Variants in ZHX1 observed in about 807,000 individuals in gnomAD.
ZHX1 encodes zinc fingers and homeoboxes protein 1.
ZHX1 carries 20 observed loss-of-function variants against 61.8 expected under a neutral mutation model. That is an observed-to-expected ratio of 0.32 (90% CI 0.23 to 0.47). The LOEUF is 0.47. Ranked by LOEUF, ZHX1 falls within the 20% of genes least tolerant of loss-of-function variation. ZHX1 has a pLI of 1.00. For synonymous variants in ZHX1, 318 were observed against 352.6 expected (o/e 0.90, Z 1.10); for missense variants, 800 against 1,034.8 (o/e 0.77, Z 3.11).
Position 123,254,659 on chromosome 8 carries a change from G to T in ZHX1, c.1288C>A (p.Gln430Lys), listed in dbSNP as rs758241093. The T allele has an allele frequency of 6.2e-7, 1 of 1,614,126 alleles. No homozygotes were observed. Among genetic ancestry groups the T allele is most frequent in the East Asian group, 2.2e-5 (1 of 44,884 alleles). The change falls in exon 3 of 4, where the codon CAG becomes AAG. Residue 430 changes from glutamine (Q) to lysine (K), a missense_variant. By Grantham distance (53) the Gln-to-Lys change is moderately conservative. Coordinates refer to ENST00000395571, the MANE Select transcript of ZHX1 (RefSeq NM_007222.5). This position sits in a 1 kb window ranked among gnomAD's most constrained non-coding sequence, Gnocchi z 4.1. ...GCAGTAGGCTGAGCAGCAGGTACCT[G>T]ACTTTTCTGTATATTATTTTGACTT... ...VPSQNNIQKS[Q>K]VPAAQPTAET...
At chr8:123,259,815 C>T (rs1435018641) in intron 2 of ZHX1, among the ~76,000 whole-genome samples, 1 of 152,148 alleles carries the variant, frequency 6.6e-6, no homozygotes, top group Non-Finnish European at 1.5e-5. Flanking sequence ...AGCAGGGGAG[C>T]CCTTTCATCA....
At chr8:123,272,377 G>A (rs1210124822) in intron 1 of ZHX1, among the ~76,000 whole-genome samples, 1 of 152,156 alleles carries the variant, frequency 6.6e-6, no homozygotes, top group African/African-American at 2.4e-5. Context: ...GCCTTAACAT[G>A]CTTTGGGAAA....
At position 123,254,214 on chromosome 8, in the gene ZHX1, T is replaced by C; in HGVS notation, c.1733A>G (p.Glu578Gly). 6.2e-7 allele frequency: 1 copy of C among 1,614,194 alleles called. No homozygotes were observed. Among genetic ancestry groups the C allele is most frequent in the Non-Finnish European group, 8.5e-7 (1 of 1,180,028 alleles). The change falls in exon 3 of 4, where the codon GAG (glutamate) becomes GGG (glycine). Residue 578 changes from glutamate to glycine, a missense_variant. Transcript: ENST00000395571. The surrounding 1 kb of genome is among the most constrained non-coding windows in gnomAD (Gnocchi z 4.1). ...TPQKFKEKTA[E>G]QLRVLQASFL... ...ACTTGCCTGAAGGACACGAAGCTGC[T>C]CTGCAGTTTTCTCTTTAAACTTTTG...
At chr8:123,270,120 A>G (rs1337360419) in intron 1 of ZHX1, among the ~76,000 whole-genome samples, 2 of 152,160 alleles carry the variant, frequency 1.3e-5, no homozygotes, top group Admixed American at 1.3e-4. Context: ...GATCTTCCCC[A>G]CTCCCAAGTA....
At chr8:123,269,182 A>C (rs748506961) in intron 1 of ZHX1, among the ~76,000 whole-genome samples, 2 of 152,204 alleles carry the variant, frequency 1.3e-5, no homozygotes, top group Non-Finnish European at 2.9e-5. Context: ...CAAAGAGGGA[A>C]GGTTATTTTC....
rs1826476330 is a variant in ZHX1, at chr8:123,266,857, T to TTTCAGAATTTG, written c.-226+405_-226+415dup. ...AGTAGCCTACGTTTTGAAAATACAG[T>TTTCAGAATTTG]TTCAGAATTTGTTCTTGTACATCCT... On this transcript the variant is annotated intron_variant, in intron 2 of 3. Coordinates refer to ENST00000395571, the MANE Select transcript of ZHX1 (RefSeq NM_007222.5). Among the ~76,000 whole-genome samples the TTTCAGAATTTG allele has an allele frequency of 1.3e-5, 2 of 152,282 alleles. 1 individual carries two copies. The highest frequency in any genetic ancestry group is 4.8e-5 in the African/African-American group (2 of 41,574).
Position 123,255,522 on chromosome 8 carries a change from G to A in ZHX1, c.425C>T (p.Thr142Ile), listed in dbSNP as rs1429928152. 6.2e-7 allele frequency: 1 copy of A among 1,613,390 alleles called. No individual in the cohort carries two copies. Among genetic ancestry groups the A allele is most frequent in the Non-Finnish European group, 8.5e-7 (1 of 1,179,978 alleles). ...KLTMVKRNNQTIFEQTINDLT... is the reference protein window; with the variant it reads ...KLTMVKRNNQIIFEQTINDLT... ...ATCATTTATTGTTTGTTCAAAGATT[G>A]TCTGGTTATTACGTTTCACCATAGT... The change falls in exon 3 of 4, where the codon ACA (threonine) becomes ATA (isoleucine). Residue 142 changes from threonine (T) to isoleucine (I), a missense_variant. Thr to Ile is a moderately conservative substitution (Grantham distance 89). Coordinates refer to ENST00000395571, the MANE Select transcript of ZHX1 (RefSeq NM_007222.5).
At chr8:123,261,816 C>CT (rs892135946) in intron 2 of ZHX1, among the ~76,000 whole-genome samples, 1 of 151,860 alleles carries the variant, frequency 6.6e-6, no homozygotes, top group African/African-American at 2.4e-5. Context: ...AATTCTCTCA[C>CT]TTTTTTTTAG....
chr8:123,262,660 A>G (rs1017903029), intron 2 of ZHX1, among the ~76,000 whole-genome samples: 1 of 152,156 alleles, frequency 6.6e-6, no homozygotes, highest in Non-Finnish European at 1.5e-5. Context: ...ATTTTCTTTA[A>G]TATTGTTATC....
At chr8:123,259,289 T>TAAGATATTATAA (rs1395949026) in intron 2 of ZHX1, among the ~76,000 whole-genome samples, 1 of 152,236 alleles carries the variant, frequency 6.6e-6, no homozygotes, top group Non-Finnish European at 1.5e-5. Flanking sequence ...TCTTGATTTC[T>TAAGATATTATAA]AAGATATTAT....
Position 123,249,103 on chromosome 8 carries a change from A to G in ZHX1, c.*1221T>C, listed in dbSNP as rs1459794088. ...TAAATTAGAGAAAATAAACTGGCTA[A>G]GCCTACATCTGGTCATTCAGAAAAA... On this transcript the variant is annotated 3_prime_UTR_variant, in exon 4 of 4. Coordinates refer to ENST00000395571, the MANE Select transcript of ZHX1 (RefSeq NM_007222.5). 4 of 152,648 alleles carry G rather than the reference A, an allele frequency of 2.6e-5. No individual in the cohort carries two copies. The highest frequency in any genetic ancestry group is 5.9e-5 in the Non-Finnish European group (4 of 68,016). 9.5% of individuals were successfully genotyped at this position (152,648 alleles called of 1,614,324 possible).
intron 2 of ZHX1, among the ~76,000 whole-genome samples, chr8:123,259,535 C>T (rs1826182124): frequency 6.6e-6 from 1 of 151,996 alleles, no homozygotes; most frequent in Non-Finnish European, 1.5e-5. Context: ...GGAAGATTCC[C>T]TGAGTCTACG....
rs953336719 is a variant in ZHX1, at chr8:123,266,184, C to T, written c.-226+1089G>A. ...CTTGTGAAGAGTTTGTGAATGTGAT[C>T]GAAAAGTCATTTTCTACTGAAAACA... On this transcript the variant is annotated intron_variant, in intron 2 of 3. Coordinates refer to ENST00000395571, the MANE Select transcript of ZHX1 (RefSeq NM_007222.5). Among the ~76,000 whole-genome samples, 14 of 152,108 alleles carry T rather than the reference C, an allele frequency of 9.2e-5. 1 individual carries two copies. The highest frequency in any genetic ancestry group is 2.9e-4 in the African/African-American group (12 of 41,410).
In ZHX1 at chr8:123,250,262, T is replaced by A. The variant is rs1825882777; in HGVS notation, c.*62A>T. ...CAATGTCATCAAAGATTGGGCAAAT[T>A]CACAGTAAATCAGACATCTTGAGTT... is the stretch of plus-strand genomic sequence containing the variant. On this transcript the variant is annotated 3_prime_UTR_variant, in exon 4 of 4. Coordinates refer to ENST00000395571, the MANE Select transcript of ZHX1 (RefSeq NM_007222.5). 2.2e-6 allele frequency: 1 copy of A among 451,450 alleles called. No individual in the cohort carries two copies. The highest frequency in any genetic ancestry group is 2.0e-5 in the African/African-American group (1 of 49,806). The allele number at this position is 451,450 out of a possible 1,614,324, so 28.0% of individuals were successfully genotyped here.
At position 123,254,911 on chromosome 8, in the gene ZHX1, C is replaced by T. The variant is rs761706584; in HGVS notation, c.1036G>A (p.Glu346Lys). 1.2e-6 allele frequency: 2 copies of T among 1,614,224 alleles called. No individual in the cohort carries two copies. The highest frequency in any genetic ancestry group is 2.2e-5 in the East Asian group (1 of 44,886). Residue 346 changes from glutamate (E) to lysine (K), a missense_variant, in exon 3 of 4, where the codon GAG becomes AAG. Transcript: ENST00000395571. This position sits in a 1 kb window ranked among gnomAD's most constrained non-coding sequence, Gnocchi z 4.1. ...TTCCTTCTTGCCTCCTCTACTTCCT[C>T]GGGAGTCCAACTAACACCATGTTTT... ...RLKHGVSWTP[E>K]EVEEARRKQF...
At chr8:123,250,539 T>C (rs1383113625) in intron 3 of ZHX1, among the ~76,000 whole-genome samples, 1 of 152,224 alleles carries the variant, frequency 6.6e-6, no homozygotes, top group Non-Finnish European at 1.5e-5. Flanking sequence ...CATCTTTATG[T>C]AATAATTTAT....
At chr8:123,266,274 C>T (rs1463388086) in intron 2 of ZHX1, among the ~76,000 whole-genome samples, 2 of 152,164 alleles carry the variant, frequency 1.3e-5, no homozygotes, top group South Asian at 2.1e-4. Context: ...CACAAGAATG[C>T]TATTCTCAGT....
chr8:123,257,759 G>A (rs1018044637), intron 2 of ZHX1, among the ~76,000 whole-genome samples: 2 of 152,130 alleles, frequency 1.3e-5, no homozygotes, highest in Non-Finnish European at 2.9e-5. Flanking sequence ...GAGTTCAGGT[G>A]GTAATGCTTG....
chr8:123,260,982 A>G (rs887947873), intron 2 of ZHX1, among the ~76,000 whole-genome samples: 1 of 152,200 alleles, frequency 6.6e-6, no homozygotes, highest in African/African-American at 2.4e-5. Flanking sequence ...AGATCGCACC[A>G]CTGCATTCCA....
Sources: gnomAD v4.1 joint callset for allele counts (sites outside exome capture counted in the v4.1 genomes callset) on GRCh38, gnomAD v4.1.1 for gene constraint, Gnocchi (gnomAD v3.1) non-coding constraint, MANE v1.5 for transcripts, NCBI Gene and HGNC (gene_info 2026-07-23, HGNC 2026-07-21) for gene names.